Variants in NUDT9 observed in about 807,000 individuals in gnomAD.
NUDT9 encodes the protein ADP-ribose pyrophosphatase.
In NUDT9, 31 loss-of-function variants were observed where a neutral mutation model predicts 41.0. The ratio of observed to expected loss-of-function variants is 0.76; its 90% CI spans 0.57 to 1.02. NUDT9 has a LOEUF of 1.02. Ranked by LOEUF, NUDT9 falls within the 50% of genes least tolerant of loss-of-function variation. The pLI is 0.00. For synonymous variants in NUDT9, 146 were observed against 147.6 expected, an observed-to-expected ratio of 0.99 and a Z score of 0.08; for missense variants, 380 against 431.4, an observed-to-expected ratio of 0.88 and a Z score of 1.06.
At chr4:87,449,049 T>C (rs756104012) in intron 4 of NUDT9, 93 bp from the exon 5 acceptor site, 13 of 697,044 alleles carry the variant, frequency 1.9e-5, no homozygotes, top group Non-Finnish European at 3.0e-5. Flanking sequence ...TACTCTGCTT[T>C]AAAGAAAAAG....
intron 4 of NUDT9, among the ~76,000 whole-genome samples, chr4:87,448,510 C>T (rs1218067790): frequency 6.6e-6 from 1 of 151,850 alleles, no homozygotes; most frequent in Non-Finnish European, 1.5e-5. Context: ...TAGATAGGCC[C>T]TCTCTCTGTC....
intron 3 of NUDT9, among the ~76,000 whole-genome samples, chr4:87,439,510 G>A (rs1298002773): frequency 6.6e-6 from 1 of 151,946 alleles, no homozygotes; most frequent in Non-Finnish European, 1.5e-5. Context: ...ACAAAAATTA[G>A]CTGGGCTTGG....
At chr4:87,443,012 CTTA>C (rs1285819751) in intron 4 of NUDT9, among the ~76,000 whole-genome samples, 2 of 152,134 alleles carry the variant, frequency 1.3e-5, no homozygotes, top group Non-Finnish European at 2.9e-5. Context: ...AACATAGTCA[CTTA>C]TTATCAAGTA....
chr4:87,437,775 A>G (rs1722019907), intron 2 of NUDT9, among the ~76,000 whole-genome samples: 1 of 152,164 alleles, frequency 6.6e-6, no homozygotes, highest in African/African-American at 2.4e-5. Flanking sequence ...AATTTACATC[A>G]TATTTATTAT....
rs750057840 is a variant in NUDT9, at chr4:87,434,960, GTTTTTC to G, written c.108-13_108-8del. On this transcript the variant is annotated splice_polypyrimidine_tract_variant and intron_variant, in intron 1 of 7. Coordinates refer to ENST00000302174, the MANE Select transcript of NUDT9 (RefSeq NM_024047.5). Reference sequence around the variant, plus strand: ...TATATTTTTGGTATTTATGTAAAATGTTTTTCTTTTTCTCCCCCAGAAACTCGTTTT... The same window carrying G: ...TATATTTTTGGTATTTATGTAAAATGTTTTTCTCCCCCAGAAACTCGTTTT... The G allele has an allele frequency of 1.9e-6, 3 of 1,591,886 alleles. No individual in the cohort carries two copies. In the South Asian group the frequency reaches 3.4e-5, roughly 18 times the overall value.
chr4:87,433,043 A>T (rs1423198867), intron 1 of NUDT9, among the ~76,000 whole-genome samples: 1 of 152,114 alleles, frequency 6.6e-6, no homozygotes, highest in Non-Finnish European at 1.5e-5. Context: ...CTTCCTCTTC[A>T]CGTTTTTGGA....
intron 7 of NUDT9, among the ~76,000 whole-genome samples, chr4:87,457,055 A>G (rs773853426): frequency 3.3e-5 from 5 of 152,184 alleles, no homozygotes; most frequent in African/African-American, 4.8e-5. Context: ...TTGTATCTTC[A>G]GTGCCTAGTA....
intron 7 of NUDT9, among the ~76,000 whole-genome samples, chr4:87,456,651 C>T (rs1723003370): frequency 6.6e-6 from 1 of 152,182 alleles, no homozygotes; most frequent in African/African-American, 2.4e-5. Context: ...GTTAGTTACC[C>T]TTTAAGTGTT....
chr4:87,453,791 C>A (rs1161777629), intron 6 of NUDT9, among the ~76,000 whole-genome samples: 1 of 151,902 alleles, frequency 6.6e-6, no homozygotes, highest in Middle Eastern at 3.4e-3. Flanking sequence ...AAATTTGAAA[C>A]AAGCACATGA....
At chr4:87,453,865 T>C (rs552132485) in intron 6 of NUDT9, among the ~76,000 whole-genome samples, 9 of 148,738 alleles carry the variant, frequency 6.1e-5, no homozygotes, top group East Asian at 3.9e-4. Context: ...TTCTTTCTTT[T>C]TTTTTTTTTT....
At chr4:87,423,673 T>C (rs1578061678) in intron 1 of NUDT9, among the ~76,000 whole-genome samples, 1 of 152,372 alleles carries the variant, frequency 6.6e-6, no homozygotes, top group East Asian at 1.9e-4. Flanking sequence ...TTACTTACTG[T>C]TGGTCAATTG....
chr4:87,443,774 G>A (rs1043833367), intron 4 of NUDT9, among the ~76,000 whole-genome samples: 1 of 152,312 alleles, frequency 6.6e-6, no homozygotes, highest in African/African-American at 2.4e-5. Context: ...GACCAGCTTG[G>A]TTGAAACAGA....
At position 87,423,002 on chromosome 4, in the gene NUDT9, C is replaced by G. The variant is rs146952902; in HGVS notation, c.97C>G (p.Gln33Glu). 1 of 1,612,702 alleles carries G rather than the reference C, an allele frequency of 6.2e-7. No homozygotes were observed. The highest frequency in any genetic ancestry group is 1.7e-5 in the Admixed American group (1 of 59,830). ...TIRSSRCRGIQAFRNSFSSSW... is the reference protein window; with the variant it reads ...TIRSSRCRGIEAFRNSFSSSW... Reference sequence around the variant, plus strand: ...CAGGTCCTCGCGCTGCCGCGGCATCCAGGCGTTCAGGTATTCCACCCTCCT... The same window carrying G: ...CAGGTCCTCGCGCTGCCGCGGCATCGAGGCGTTCAGGTATTCCACCCTCCT... Residue 33 changes from glutamine to glutamate, a missense_variant, in exon 1 of 8, where the codon CAG (glutamine) becomes GAG (glutamate). By Grantham distance (29) the Gln-to-Glu change is conservative. Transcript: ENST00000302174.
At chr4:87,452,933 T>C (rs1203545431) in intron 6 of NUDT9, among the ~76,000 whole-genome samples, 4 of 147,398 alleles carry the variant, frequency 2.7e-5, no homozygotes, top group Non-Finnish European at 5.9e-5. Context: ...TGCCTCAGCC[T>C]CCAGAGTAGC....
intron 1 of NUDT9, among the ~76,000 whole-genome samples, chr4:87,429,705 G>A (rs1383619626): frequency 9.9e-6 from 1 of 100,648 alleles, no homozygotes; most frequent in Non-Finnish European, 1.9e-5. Flanking sequence ...CCCCATCTTT[G>A]CCACTGTCTC....
In NUDT9 at chr4:87,431,661, C is replaced by T. The variant is rs1052967070; in HGVS notation, c.108-3320C>T. Reference sequence around the variant, plus strand: ...CCTAAGTATTTTATTCTTTTCTATGCTATTGTAAGTAGAATTTTCTTAATG... The same window carrying T: ...CCTAAGTATTTTATTCTTTTCTATGTTATTGTAAGTAGAATTTTCTTAATG... On this transcript the variant is annotated intron_variant, in intron 1 of 7. Transcript: ENST00000302174. Among the ~76,000 whole-genome samples, 3 of 152,054 alleles carry T rather than the reference C, an allele frequency of 2.0e-5. No individual in the cohort carries two copies. In the South Asian group the frequency reaches 6.2e-4, roughly 31 times the overall value.
chr4:87,434,603 T>C (rs182923254), intron 1 of NUDT9, among the ~76,000 whole-genome samples: 1 of 151,924 alleles, frequency 6.6e-6, no homozygotes, highest in Admixed American at 6.6e-5. Context: ...GGAAAGTATG[T>C]TTTTGGGTCT....
chr4:87,438,268 T>C lies in NUDT9; in HGVS notation c.348-9T>C, dbSNP rs1722045187. ...TATTTCTTATTTTACATTGGTATTC[T>C]CATTACAGTGAAAGTAATTTTTCTC... On this transcript the variant is annotated splice_polypyrimidine_tract_variant and intron_variant, in intron 2 of 7. Coordinates refer to ENST00000302174, the MANE Select transcript of NUDT9 (RefSeq NM_024047.5). 1 of 1,495,124 alleles carries C rather than the reference T, an allele frequency of 6.7e-7. No homozygotes were observed. The highest frequency in any genetic ancestry group is 9.3e-7 in the Non-Finnish European group (1 of 1,072,816). The allele number at this position is 1,495,124 out of a possible 1,614,324, so 92.6% of individuals were successfully genotyped here.
chr4:87,438,682 C>G (rs992463960), intron 3 of NUDT9, among the ~76,000 whole-genome samples: 3 of 152,062 alleles, frequency 2.0e-5, no homozygotes, highest in African/African-American at 7.2e-5. Context: ...AATTGTTCAG[C>G]AGATATTTAT....
Sources: allele counts gnomAD v4.1 joint callset (sites outside exome capture counted in the v4.1 genomes callset), GRCh38; gene constraint gnomAD v4.1.1; transcripts MANE v1.5; gene names NCBI Gene and HGNC (gene_info 2026-07-23, HGNC 2026-07-21).